Variants in RASSF3 observed in about 807,000 individuals in gnomAD.
RASSF3 encodes the protein Ras association domain family member 3.
In RASSF3, 19 loss-of-function variants were observed where a neutral mutation model predicts 19.9. The ratio of observed to expected loss-of-function variants is 0.96; its 90% CI spans 0.67 to 1.40. The LOEUF is 1.40. Among genes scored for constraint, RASSF3 ranks in the 40% most tolerant of loss-of-function variants. The pLI, the probability that RASSF3 is intolerant of heterozygous loss-of-function variation, is 0.00. For synonymous variants in RASSF3, 110 were observed against 104.2 expected, an observed-to-expected ratio of 1.06 and a Z score of -0.34; for missense variants, 306 against 289.8, an observed-to-expected ratio of 1.06 and a Z score of -0.41.
intron 2 of RASSF3, among the ~76,000 whole-genome samples, chr12:64,599,843 T>C (rs1252485866): frequency 6.6e-6 from 1 of 151,616 alleles, no homozygotes; most frequent in Non-Finnish European, 1.5e-5. Flanking sequence ...CCATCCTGGC[T>C]AACACGGTGA....
chr12:64,531,422 TTTA>T (rs1312756663), upstream of RASSF3, among the ~76,000 whole-genome samples: 1 of 152,212 alleles, frequency 6.6e-6, no homozygotes, highest in Non-Finnish European at 1.5e-5. Context: ...TTTTAATTTT[TTTA>T]TTATGGCAAA....
At chr12:64,512,428 A>C (rs998913347) in intron 1 of RASSF3, among the ~76,000 whole-genome samples, 2 of 152,092 alleles carry the variant, frequency 1.3e-5, no homozygotes, top group Non-Finnish European at 2.9e-5. Context: ...CCTGAGCAAC[A>C]TGGTGAGGGC....
chr12:64,695,546 G>A lies in RASSF3; in HGVS notation c.*634G>A, dbSNP rs1018817210. 2 of 152,912 alleles carry A rather than the reference G, an allele frequency of 1.3e-5. No individual in the cohort carries two copies. The allele number at this position is 152,912 out of a possible 1,614,324, so 9.5% of individuals were successfully genotyped here. A position where few individuals can be genotyped will look rare whatever the true frequency, so the allele number is the denominator to read the frequency against. ...AGGTGACTTGGCTTTTCAGTTAGGG[G>A]TAGTGGAGAAAGGGGTAGTTGCTTG... On this transcript the variant is annotated 3_prime_UTR_variant, in exon 5 of 5. Coordinates refer to ENST00000542104, the MANE Select transcript of RASSF3 (RefSeq NM_178169.4).
At chr12:64,630,774 AGTC>A (rs1871145636) in intron 1 of RASSF3, among the ~76,000 whole-genome samples, 2 of 152,096 alleles carry the variant, frequency 1.3e-5, no homozygotes, top group African/African-American at 2.4e-5. Flanking sequence ...GAGAAAGAGG[AGTC>A]AAGGAAGAGT....
At chr12:64,528,540 G>A (rs575052581), upstream of RASSF3, among the ~76,000 whole-genome samples, 116 of 152,254 alleles carry the variant, frequency 7.6e-4, no homozygotes, top group Middle Eastern at 6.8e-3. Flanking sequence ...GTTTTACAGC[G>A]GTCTTCAAAG....
chr12:64,558,902 T>A (rs1198207692), intron 2 of RASSF3, among the ~76,000 whole-genome samples: 1 of 152,126 alleles, frequency 6.6e-6, no homozygotes, highest in Non-Finnish European at 1.5e-5. Flanking sequence ...TTTTCTAGTG[T>A]CAACATGACG....
At chr12:64,585,793 A>T (rs1395942318) in intron 2 of RASSF3, among the ~76,000 whole-genome samples, 4 of 151,724 alleles carry the variant, frequency 2.6e-5, no homozygotes, top group Non-Finnish European at 5.9e-5. Flanking sequence ...TTTTGTAGAG[A>T]CAAGGTCTCA....
intron 2 of RASSF3, among the ~76,000 whole-genome samples, chr12:64,594,313 G>C (rs558513971): frequency 2.7e-4 from 41 of 152,210 alleles, no homozygotes; most frequent in African/African-American, 9.6e-4. Context: ...CAGCCTGGGT[G>C]ACAGAGCAAG....
intron 2 of RASSF3, among the ~76,000 whole-genome samples, chr12:64,582,796 C>T (rs921937471): frequency 2.0e-5 from 3 of 152,168 alleles, no homozygotes; most frequent in Admixed American, 1.3e-4. Context: ...GGGCTTTCTA[C>T]TTCAAGAAAG....
At chr12:64,515,912 A>G (rs1868361199) in intron 1 of RASSF3, among the ~76,000 whole-genome samples, 1 of 152,234 alleles carries the variant, frequency 6.6e-6, no homozygotes, top group Admixed American at 6.5e-5. Context: ...TTCTTGCATT[A>G]TTAATTACCT....
downstream of RASSF3, among the ~76,000 whole-genome samples, chr12:64,542,139 A>AAAAAAT (rs1002666707): frequency 2.0e-5 from 3 of 152,010 alleles, no homozygotes; most frequent in Admixed American, 1.3e-4. Flanking sequence ...GCATCTCTAC[A>AAAAAAT]AAAAATAAAA....
At chr12:64,575,999 C>G (rs952245025) in intron 2 of RASSF3, among the ~76,000 whole-genome samples, 5 of 151,810 alleles carry the variant, frequency 3.3e-5, no homozygotes, top group African/African-American at 7.3e-5. Flanking sequence ...AAGCAATTCT[C>G]CTACCTCAGC....
chr12:64,527,349 G>A (rs1868609830), intron 1 of RASSF3, among the ~76,000 whole-genome samples: 1 of 152,096 alleles, frequency 6.6e-6, no homozygotes, highest in South Asian at 2.1e-4. Flanking sequence ...AAAAACAGAA[G>A]ATAACGACAG....
intron 1 of RASSF3, among the ~76,000 whole-genome samples, chr12:64,520,335 G>C (rs904543720): frequency 2.0e-5 from 3 of 151,674 alleles, no homozygotes; most frequent in Admixed American, 1.3e-4. Context: ...GCTAATTTTT[G>C]TATTTTTAGT....
chr12:64,538,199 C>T (rs1050959279), intron 1 of RASSF3, among the ~76,000 whole-genome samples: 5 of 152,166 alleles, frequency 3.3e-5, no homozygotes, highest in Admixed American at 1.3e-4. Flanking sequence ...CCCTATGTTG[C>T]CCAGGCTGGT....
At chr12:64,563,758 G>A (rs1376718223) in intron 2 of RASSF3, among the ~76,000 whole-genome samples, 1 of 152,088 alleles carries the variant, frequency 6.6e-6, no homozygotes, top group Non-Finnish European at 1.5e-5. Context: ...CCTTGATTCA[G>A]GTCTCAGTTC....
At chr12:64,674,899 T>C (rs754754631) in intron 1 of RASSF3, among the ~76,000 whole-genome samples, 9 of 152,242 alleles carry the variant, frequency 5.9e-5, no homozygotes, top group Middle Eastern at 3.4e-3. Flanking sequence ...CGGTTTTCTG[T>C]GTGCACTCTT....
chr12:64,595,064 CTTTTTTTTT>C (rs1171762487), intron 2 of RASSF3, among the ~76,000 whole-genome samples: 2 of 90,950 alleles, frequency 2.2e-5, no homozygotes, highest in Non-Finnish European at 2.0e-5. Flanking sequence ...CATATGAAAT[CTTTTTTTTT>C]TTTTTTTTTT....
At chr12:64,532,716 T>A (rs917914985), upstream of RASSF3, among the ~76,000 whole-genome samples, 9 of 151,780 alleles carry the variant, frequency 5.9e-5, no homozygotes, top group Non-Finnish European at 1.2e-4. Context: ...CTTGCCTATG[T>A]TCCCAGCTAC....
Sources: gnomAD v4.1 joint callset for allele counts (sites outside exome capture counted in the v4.1 genomes callset) on GRCh38, gnomAD v4.1.1 for gene constraint, MANE v1.5 for transcripts, NCBI Gene and HGNC (gene_info 2026-07-23, HGNC 2026-07-21) for gene names.